The following ATP2B2 variants were observed in gnomAD, a reference collection of about 807,000 sequenced individuals.
The protein encoded by ATP2B2 is plasma membrane calcium-transporting ATPase 2.
A neutral mutation model predicts 120.0 loss-of-function variants in ATP2B2; 15 were observed. The ratio of observed to expected loss-of-function variants is 0.12; its 90% CI spans 0.08 to 0.19. The LOEUF (loss-of-function observed/expected upper bound fraction) is 0.19. Ranked by LOEUF, ATP2B2 falls within the 10% of genes least tolerant of loss-of-function variation. ATP2B2 has a pLI of 1.00. For synonymous variants in ATP2B2, 694 were observed against 700.3 expected, an observed-to-expected ratio of 0.99 and a Z score of 0.14; for missense variants, 1,045 against 1,719.8, an observed-to-expected ratio of 0.61 and a Z score of 6.94.
At chr3:10,565,218 G>A (rs184883092) in intron 2 of ATP2B2, among the ~76,000 whole-genome samples, 6 of 152,254 alleles carry the variant, frequency 3.9e-5, no homozygotes, top group African/African-American at 1.4e-4. Flanking sequence ...AGCCAATTTA[G>A]ACCCTAGAAA....
chr3:10,620,936 C>T (rs1343378803), intron 1 of ATP2B2, among the ~76,000 whole-genome samples: 1 of 152,178 alleles, frequency 6.6e-6, no homozygotes, highest in African/African-American at 2.4e-5. Flanking sequence ...CTGTGTCCTC[C>T]TCACTCACAG....
At position 10,628,418 on chromosome 3, in the gene ATP2B2, C is replaced by A. The variant is rs75204560; in HGVS notation, c.-459-8457G>T. ...GGAGCAGCCCTCCTCCAAGCTCTGG[C>A]GAATGATTAACGTGCAGGGAAGAGA... On this transcript the variant is annotated intron_variant, in intron 1 of 21. Coordinates refer to the ATP2B2 transcript ENST00000646379. Among the ~76,000 whole-genome samples the A allele has an allele frequency of 1.9e-4, 29 of 152,304 alleles. No individual in the cohort carries two copies. The East Asian group carries it at 5.6e-3, about 29-fold the overall frequency.
intron 1 of ATP2B2, among the ~76,000 whole-genome samples, chr3:10,652,462 A>T (rs1040915591): frequency 6.6e-6 from 1 of 152,188 alleles, no homozygotes; most frequent in East Asian, 1.9e-4. Context: ...TCATTATAAC[A>T]CCATGCATTG....
upstream of ATP2B2, among the ~76,000 whole-genome samples, chr3:10,509,724 C>G (rs936848496): frequency 1.3e-5 from 2 of 151,230 alleles, no homozygotes; most frequent in African/African-American, 2.5e-5. Context: ...TGCCCGAAAT[C>G]TCCTCTCCAG....
At chr3:10,534,506 C>A (rs2067270569) in intron 2 of ATP2B2, among the ~76,000 whole-genome samples, 1 of 152,230 alleles carries the variant, frequency 6.6e-6, no homozygotes, top group East Asian at 1.9e-4. Context: ...TACATTCCAG[C>A]TACTCTGGTA....
intron 1 of ATP2B2, among the ~76,000 whole-genome samples, chr3:10,481,207 A>G (rs1417427574): frequency 6.6e-6 from 1 of 152,256 alleles, no homozygotes. Context: ...AGGTGAGCCA[A>G]TGCATCTTTT....
intron 12 of ATP2B2, among the ~76,000 whole-genome samples, chr3:10,365,869 TG>T (rs1229505958): frequency 0.053 from 4 of 76 alleles, no homozygotes; most frequent in Non-Finnish European, 0.08. Context: ...TGTGTGTGTA[TG>T]TGTCACTGTG....
chr3:10,544,257 G>A (rs911449882), intron 2 of ATP2B2, among the ~76,000 whole-genome samples: 3 of 152,100 alleles, frequency 2.0e-5, no homozygotes. Context: ...TACCATCGGT[G>A]CAAAACCAGT....
At chr3:10,464,275 G>T (rs1463100167) in intron 1 of ATP2B2, among the ~76,000 whole-genome samples, 1 of 152,142 alleles carries the variant, frequency 6.6e-6, no homozygotes, top group Non-Finnish European at 1.5e-5. Flanking sequence ...TGGGGGTGGG[G>T]GCTGCTAGCT....
In ATP2B2 at chr3:10,625,809, C is replaced by T. The variant is rs73811968; in HGVS notation, c.-459-5848G>A. Among the ~76,000 whole-genome samples, 642 of 152,302 alleles carry T rather than the reference C, an allele frequency of 4.2e-3. 3 individuals carry two copies. Among genetic ancestry groups the T allele is most frequent in the African/African-American group, 0.015 (609 of 41,568 alleles). ...CCAAGGAGAAAGTCTGAGTTTAGTGCGCGTATTGTATGTTTAACACCTCCC... is the reference window on the plus strand; with the variant it reads ...CCAAGGAGAAAGTCTGAGTTTAGTGTGCGTATTGTATGTTTAACACCTCCC... On this transcript the variant is annotated intron_variant, in intron 1 of 21. Transcript: ENST00000646379.
rs116246439 is a variant in ATP2B2, at chr3:10,575,098, G to T, written c.-414-40965C>A. Among the ~76,000 whole-genome samples the T allele has an allele frequency of 2.7e-3, 405 of 152,260 alleles. 1 individual carries two copies. The highest frequency in any genetic ancestry group is 9.2e-3 in the African/African-American group (383 of 41,540). ...CCGCTGCCGACTGCTCAGTGCCTGG[G>T]GTCACAATACAGCCTTTCCGCCCGG... is the stretch of plus-strand genomic sequence containing the variant. On this transcript the variant is annotated intron_variant, in intron 2 of 21. Coordinates refer to the ATP2B2 transcript ENST00000646379.
chr3:10,551,673 A>G (rs1469247331), intron 2 of ATP2B2, among the ~76,000 whole-genome samples: 2 of 152,242 alleles, frequency 1.3e-5, no homozygotes, highest in Admixed American at 1.3e-4. Flanking sequence ...AATTGCTCAC[A>G]ATTATGTTTC....
rs73125694 is a variant in ATP2B2, at chr3:10,327,485, G to A, written c.*1329C>T. 4,819 of 152,544 alleles carry A rather than the reference G, an allele frequency of 0.032. 121 individuals are homozygous for A. The highest frequency in any genetic ancestry group is 0.052 in the African/African-American group (2,141 of 41,512). The allele number at this position is 152,544 out of a possible 1,614,324, so 9.4% of individuals were successfully genotyped here. ...AGCCATACTGATCCTCATCCAATATGCCAACAGCTCAGATGCTGCCATTAA... is the reference window on the plus strand; with the variant it reads ...AGCCATACTGATCCTCATCCAATATACCAACAGCTCAGATGCTGCCATTAA... On this transcript the variant is annotated 3_prime_UTR_variant, in exon 23 of 23. Coordinates refer to ENST00000360273, the MANE Select transcript of ATP2B2 (RefSeq NM_001001331.4).
At chr3:10,465,895 C>G (rs1171953941) in intron 1 of ATP2B2, among the ~76,000 whole-genome samples, 1 of 152,212 alleles carries the variant, frequency 6.6e-6, no homozygotes, top group Admixed American at 6.5e-5. Flanking sequence ...TGGTCCCTAA[C>G]CACCAGGTCC....
intron 8 of ATP2B2, among the ~76,000 whole-genome samples, chr3:10,381,164 G>C (rs2061520200): frequency 6.6e-6 from 1 of 152,186 alleles, no homozygotes; most frequent in Non-Finnish European, 1.5e-5. Flanking sequence ...TAAGTGCAGA[G>C]CTGTCCCCAT....
chr3:10,656,531 GC>G (rs1426079560), intron 1 of ATP2B2, among the ~76,000 whole-genome samples: 1 of 152,152 alleles, frequency 6.6e-6, no homozygotes, highest in African/African-American at 2.4e-5. Flanking sequence ...CCTGGCTCCT[GC>G]CCAACCTCTG....
rs913546215 is a variant in ATP2B2 at position 10,386,357 on chromosome 3, G to A, written c.940+123C>T. On this transcript the variant is annotated intron_variant, in intron 7 of 22. Transcript: ENST00000360273. ...GGGCACAAAGGAGGGTCTGGGGGGT[G>A]GAGCCACCCACAGGCATGTGGCCTC... 2.1e-5 allele frequency: 23 copies of A among 1,115,892 alleles called. No homozygotes were observed. In the East Asian group the frequency reaches 4.6e-4, roughly 22 times the overall value. 69.1% of individuals were successfully genotyped at this position (1,115,892 alleles called of 1,614,324 possible). A position where few individuals can be genotyped will look rare whatever the true frequency, so the allele number is the denominator to read the frequency against.
At chr3:10,645,144 G>A (rs1250882567) in intron 1 of ATP2B2, among the ~76,000 whole-genome samples, 1 of 152,170 alleles carries the variant, frequency 6.6e-6, no homozygotes, top group African/African-American at 2.4e-5. Context: ...CTATGGTAAA[G>A]CAAGTGGGGT....
At chr3:10,706,552 C>G (rs2071899064) in intron 1 of ATP2B2, among the ~76,000 whole-genome samples, 1 of 152,176 alleles carries the variant, frequency 6.6e-6, no homozygotes, top group African/African-American at 2.4e-5. Context: ...AAGAGCCCAG[C>G]AGGTGCTGCC....
Sources: gnomAD v4.1 joint callset for allele counts (sites outside exome capture counted in the v4.1 genomes callset) on GRCh38, gnomAD v4.1.1 for gene constraint, MANE v1.5 for transcripts, NCBI Gene and HGNC (gene_info 2026-07-23, HGNC 2026-07-21) for gene names.